PARP4: variants seen among roughly 807,000 people sequenced by gnomAD.
PARP4 encodes poly(ADP-ribose) polymerase family member 4.
In PARP4, 120 loss-of-function variants were observed where a neutral mutation model predicts 187.7. That is an observed-to-expected ratio of 0.64 (90% CI 0.55 to 0.74). The LOEUF is 0.74. Among genes scored for constraint, PARP4 ranks in the 30% least tolerant of loss-of-function variants. The probability of loss-of-function intolerance (pLI) is 0.00; values close to 1 mark genes in which losing one functional copy is unlikely to be tolerated. For synonymous variants in PARP4, 654 were observed against 740.9 expected (o/e 0.88, Z 1.90); for missense variants, 1,836 against 2,070.5 (o/e 0.89, Z 2.20).
chr13:24,462,223 G>T (rs1376366755), intron 17 of PARP4, among the ~76,000 whole-genome samples: 1 of 152,162 alleles, frequency 6.6e-6, no homozygotes, highest in Non-Finnish European at 1.5e-5. Flanking sequence ...AATCACCTCT[G>T]TCGGACAGTG....
intron 30 of PARP4, among the ~76,000 whole-genome samples, chr13:24,436,407 G>A (rs749474137): frequency 5.3e-5 from 8 of 152,200 alleles, no homozygotes; most frequent in Non-Finnish European, 1.0e-4. Flanking sequence ...GGGCTCAAGT[G>A]ATCCTCTCGC....
Position 24,459,278 on chromosome 13 carries a change from TATTTC to T in PARP4, c.2326_2330del (p.Glu776ArgfsTer13). 1 of 1,578,918 alleles carries T rather than the reference TATTTC, an allele frequency of 6.3e-7. No homozygotes were observed. Among genetic ancestry groups the T allele is most frequent in the Non-Finnish European group, 8.6e-7 (1 of 1,157,416 alleles). On this transcript the variant is annotated frameshift_variant, in exon 19 of 34. Transcript: ENST00000381989. LOFTEE classifies it high-confidence loss of function. ...TAGGTACTAACCTTTGCTTTGTTCC[TATTTC>T]TTTTATACAAATCTTCTCTACTGTA...
At chr13:24,483,969 T>G (rs1870946035) in intron 12 of PARP4, among the ~76,000 whole-genome samples, 1 of 152,204 alleles carries the variant, frequency 6.6e-6, no homozygotes, top group African/African-American at 2.4e-5. Context: ...TTAAGTCTTT[T>G]GCACATCTGC....
chr13:24,496,972 G>A (rs764289857), intron 6 of PARP4, among the ~76,000 whole-genome samples: 1 of 152,030 alleles, frequency 6.6e-6, no homozygotes, highest in Non-Finnish European at 1.5e-5. Context: ...GCAGTGAGCC[G>A]AGATCGCACC....
At chr13:24,488,768 GTTCCAAAATT>G (rs1868462560) in intron 10 of PARP4, among the ~76,000 whole-genome samples, 2 of 152,148 alleles carry the variant, frequency 1.3e-5, no homozygotes, top group Non-Finnish European at 2.9e-5. Context: ...ACCACCTCTA[GTTCCAAAATT>G]TTTATTTGCC....
At chr13:24,449,653 C>T in intron 25 of PARP4, 65 bp downstream of exon 25, 1 of 925,714 alleles carries the variant, frequency 1.1e-6, no homozygotes. Context: ...ATTCCTATTT[C>T]TTAGTCTCGG....
rs761226215 is a variant in PARP4 at position 24,478,157 on chromosome 13, G to A, written c.1568C>T (p.Ala523Val). 6.2e-7 allele frequency: 1 copy of A among 1,613,672 alleles called. No individual in the cohort carries two copies. The highest frequency in any genetic ancestry group is 1.1e-5 in the South Asian group (1 of 91,040). The change falls in exon 13 of 34, where the codon GCA (alanine) becomes GTA (valine). Residue 523 changes from alanine (A) to valine (V), a missense_variant. Transcript: ENST00000381989. ...ATGCACACTGTCGTAGCCTGGTGGT[G>A]CTTCAGTTAAGGAAAAGTCCTTCTC... ...LHEKDFSLTE[A>V]PPGYDSVHGV...
Position 24,503,328 on chromosome 13 carries a change from T to G in PARP4, c.132+317A>C, listed in dbSNP as rs902957910. 2.4e-4 allele frequency among the ~76,000 whole-genome samples: 37 copies of G among 152,238 alleles called. 2 individuals carry two copies. The highest frequency in any genetic ancestry group is 2.4e-3 in the Admixed American group (37 of 15,292). ...CGCTTTTTGCAAATCCTGTGCACTA[T>G]GACTTTTCTCCTTCAAGAATAGATA... On this transcript the variant is annotated intron_variant, in intron 2 of 33. Coordinates refer to ENST00000381989, the MANE Select transcript of PARP4 (RefSeq NM_006437.4).
intron 31 of PARP4, 68 bp from the exon 32 acceptor site, chr13:24,431,544 G>T (rs1458405324): frequency 1.5e-5 from 15 of 989,990 alleles, no homozygotes; most frequent in Non-Finnish European, 2.0e-5. Flanking sequence ...GTTACGTAGT[G>T]GGGGAAGGAG....
intron 9 of PARP4, 47 bp from the exon 10 acceptor site, chr13:24,490,875 A>C: frequency 6.8e-7 from 1 of 1,462,410 alleles, no homozygotes; most frequent in South Asian, 1.2e-5. Flanking sequence ...CACATATCAA[A>C]ATTAATATTT....
intron 12 of PARP4, among the ~76,000 whole-genome samples, chr13:24,478,773 T>C (rs1873116804): frequency 6.6e-6 from 1 of 152,166 alleles, no homozygotes; most frequent in Non-Finnish European, 1.5e-5. Flanking sequence ...ATACTGCCCT[T>C]ATGTTGTGCT....
intron 20 of PARP4, among the ~76,000 whole-genome samples, chr13:24,456,742 T>C (rs1044921895): frequency 1.3e-5 from 2 of 151,734 alleles, no homozygotes; most frequent in Non-Finnish European, 2.9e-5. Flanking sequence ...CTACTAAAAA[T>C]ACAAAAAATT....
At chr13:24,454,606 C>T (rs1208538475) in intron 22 of PARP4, among the ~76,000 whole-genome samples, 2 of 152,182 alleles carry the variant, frequency 1.3e-5, no homozygotes, top group East Asian at 1.9e-4. Context: ...CTTGGGACCT[C>T]CTACTCAACA....
At chr13:24,479,500 A>G (rs1487960878) in intron 12 of PARP4, among the ~76,000 whole-genome samples, 1 of 152,156 alleles carries the variant, frequency 6.6e-6, no homozygotes, top group African/African-American at 2.4e-5. Context: ...TAAACACACC[A>G]ATCAGCACCC....
chr13:24,494,917 A>G (rs1868864430), intron 6 of PARP4, among the ~76,000 whole-genome samples, 195 bp from the exon 7 acceptor site: 1 of 150,016 alleles, frequency 6.7e-6, no homozygotes, highest in African/African-American at 2.5e-5. Flanking sequence ...TGTCGCCCAG[A>G]CTGGAGTGCA....
intron 1 of PARP4, among the ~76,000 whole-genome samples, chr13:24,509,625 T>C (rs938009972): frequency 2.6e-5 from 4 of 152,190 alleles, no homozygotes; most frequent in South Asian, 2.1e-4. Flanking sequence ...AATAGTTACA[T>C]ACATATTATG....
rs564367992 is a variant in PARP4, at chr13:24,452,792, C to A, written c.2827-199G>T. On this transcript the variant is annotated intron_variant, in intron 23 of 33. Coordinates refer to ENST00000381989, the MANE Select transcript of PARP4 (RefSeq NM_006437.4). ...CAGTAACTATAATATTATCACCTCACGCTTATTTGATTTTTTACAGTTTCC... is the reference window on the plus strand; with the variant it reads ...CAGTAACTATAATATTATCACCTCAAGCTTATTTGATTTTTTACAGTTTCC... Among the ~76,000 whole-genome samples the A allele has an allele frequency of 2.0e-5, 3 of 152,246 alleles. No individual in the cohort carries two copies. The East Asian group carries it at 5.8e-4, about 29-fold the overall frequency.
At position 24,484,728 on chromosome 13, in the gene PARP4, A is replaced by G. The variant is rs1175679366; in HGVS notation, c.1373T>C (p.Val458Ala). The change falls in exon 12 of 34, where the codon GTA (valine) becomes GCA (alanine). Residue 458 changes from valine (V) to alanine (A), a missense_variant. Physicochemically the swap from Val to Ala is moderately conservative, Grantham distance 64. Transcript: ENST00000381989. ...TCTTTGCACACCACGATCTTCCACT[A>G]CTTTGGGTAAAAGCAACCCTCTGAA... ...ILCRGLLLPK[V>A]VEDRGVQRTD... The G allele has an allele frequency of 4.4e-6, 7 of 1,604,252 alleles. No homozygotes were observed. The highest frequency in any genetic ancestry group is 6.0e-6 in the Non-Finnish European group (7 of 1,171,026).
At chr13:24,504,984 C>T (rs1042960538) in intron 1 of PARP4, among the ~76,000 whole-genome samples, 1 of 150,002 alleles carries the variant, frequency 6.7e-6, no homozygotes, top group Non-Finnish European at 1.5e-5. Flanking sequence ...CATGAGCCAC[C>T]GCACCTGGCA....
Sources: allele counts gnomAD v4.1 joint callset (sites outside exome capture counted in the v4.1 genomes callset), GRCh38; gene constraint gnomAD v4.1.1; transcripts MANE v1.5; gene names NCBI Gene and HGNC (gene_info 2026-07-23, HGNC 2026-07-21).